Variants in NCAM2 observed in about 807,000 individuals in gnomAD.
NCAM2 encodes N-CAM-2.
A neutral mutation model predicts 98.1 loss-of-function variants in NCAM2; 30 were observed. The observed-to-expected ratio is 0.31, with a 90% CI of 0.23 to 0.41. NCAM2 has a LOEUF of 0.41. Ranked by LOEUF, NCAM2 falls within the 10% of genes least tolerant of loss-of-function variation. The pLI is 1.00. For synonymous variants in NCAM2, 368 were observed against 342.4 expected, an observed-to-expected ratio of 1.07 and a Z score of -0.83; for missense variants, 867 against 1,005.8, an observed-to-expected ratio of 0.86 and a Z score of 1.87.
intron 15 of NCAM2, among the ~76,000 whole-genome samples, chr21:21,485,962 T>G (rs1986314449): frequency 6.6e-6 from 1 of 152,116 alleles, no homozygotes; most frequent in Non-Finnish European, 1.5e-5. Context: ...TCTTGTAATC[T>G]AGTAATAGAC....
intron 1 of NCAM2, among the ~76,000 whole-genome samples, chr21:21,014,835 T>A (rs188852311): frequency 8.5e-5 from 13 of 152,334 alleles, no homozygotes; most frequent in African/African-American, 9.6e-5. Context: ...TTCACCATTC[T>A]AGATGCCATT....
rs1270802991 is a variant in NCAM2 at position 21,009,771 on chromosome 21, G to A, written c.55+11153G>A. On this transcript the variant is annotated intron_variant, in intron 1 of 17. Coordinates refer to ENST00000400546, the MANE Select transcript of NCAM2 (RefSeq NM_004540.5). Reference sequence around the variant, plus strand: ...CTGAACTGTATGTATGGTAAGAGAAGTGAGAAAATACTTGTTTTATCTTAG... The same window carrying A: ...CTGAACTGTATGTATGGTAAGAGAAATGAGAAAATACTTGTTTTATCTTAG... Among the ~76,000 whole-genome samples the A allele has an allele frequency of 3.3e-5, 5 of 151,916 alleles. No homozygotes were observed. In the East Asian group the frequency reaches 9.6e-4, roughly 29 times the overall value.
chr21:21,054,275 G>A (rs185632745), intron 1 of NCAM2, among the ~76,000 whole-genome samples: 1 of 151,954 alleles, frequency 6.6e-6, no homozygotes, highest in African/African-American at 2.4e-5. Flanking sequence ...GTGAATATTG[G>A]TTGTCACCAC....
At chr21:21,418,612 C>T (rs954368539) in intron 11 of NCAM2, 43 bp downstream of exon 11, 5 of 1,360,678 alleles carry the variant, frequency 3.7e-6, no homozygotes, top group Non-Finnish European at 5.3e-6. Context: ...CACAATATTT[C>T]TGAGAGCAAA....
chr21:21,243,222 G>A (rs2071137353), intron 1 of NCAM2, among the ~76,000 whole-genome samples: 1 of 152,092 alleles, frequency 6.6e-6, no homozygotes, highest in Non-Finnish European at 1.5e-5. Context: ...CAGAGGTTCA[G>A]TATTTCTATT....
intron 12 of NCAM2, 137 bp downstream of exon 12, chr21:21,432,418 C>T: frequency 2.7e-6 from 2 of 745,856 alleles, no homozygotes; most frequent in South Asian, 4.0e-5. Flanking sequence ...TTCTGTGCCC[C>T]ATTCTTCTTG....
chr21:21,081,076 C>T (rs1157837795), intron 1 of NCAM2, among the ~76,000 whole-genome samples: 1 of 152,048 alleles, frequency 6.6e-6, no homozygotes, highest in African/African-American at 2.4e-5. Flanking sequence ...CTGGTTCTTC[C>T]ATTGGGGTGG....
intron 1 of NCAM2, among the ~76,000 whole-genome samples, chr21:21,156,489 A>G (rs112250995): frequency 3.1e-4 from 47 of 152,114 alleles, no homozygotes; most frequent in Non-Finnish European, 5.4e-4. Context: ...TTGCTTGATA[A>G]TCCTATGAAA....
At chr21:21,063,745 A>G (rs2146337326) in intron 1 of NCAM2, among the ~76,000 whole-genome samples, 1 of 152,270 alleles carries the variant, frequency 6.6e-6, no homozygotes. Flanking sequence ...TTTCTTTGGT[A>G]TTTATTACTG....
intron 1 of NCAM2, among the ~76,000 whole-genome samples, chr21:21,211,601 A>G (rs2069661889): frequency 6.6e-6 from 1 of 152,310 alleles, no homozygotes; most frequent in Middle Eastern, 3.4e-3. Context: ...CAGGAAAAAC[A>G]AAACAAACAA....
intron 1 of NCAM2, among the ~76,000 whole-genome samples, chr21:21,063,210 CTTTTTTT>C (rs11325446): frequency 7.6e-5 from 5 of 66,052 alleles, no homozygotes; most frequent in Admixed American, 2.7e-4. Context: ...TCTTTACATT[CTTTTTTT>C]TTTTTTTTTT....
intron 5 of NCAM2, among the ~76,000 whole-genome samples, chr21:21,310,430 G>A (rs1007001270): frequency 6.6e-5 from 10 of 152,116 alleles, no homozygotes; most frequent in African/African-American, 2.2e-4. Flanking sequence ...GGGTAGATCA[G>A]AGCAATGATT....
chr21:21,424,319 G>A (rs536577760), intron 11 of NCAM2, among the ~76,000 whole-genome samples: 3 of 152,104 alleles, frequency 2.0e-5, no homozygotes, highest in Non-Finnish European at 4.4e-5. Context: ...TGAATTTCTA[G>A]TAGGTACCAC....
intron 12 of NCAM2, among the ~76,000 whole-genome samples, chr21:21,455,176 C>G (rs540924340): frequency 6.9e-6 from 1 of 145,352 alleles, no homozygotes; most frequent in East Asian, 2.0e-4. Flanking sequence ...ACATAATCTT[C>G]CACTCAGAGT....
At chr21:21,064,726 C>G (rs1309739350) in intron 1 of NCAM2, among the ~76,000 whole-genome samples, 1 of 152,180 alleles carries the variant, frequency 6.6e-6, no homozygotes. Flanking sequence ...AAACATTAAT[C>G]TCAAGGCCTC....
At chr21:21,025,231 G>C (rs1213015376) in intron 1 of NCAM2, among the ~76,000 whole-genome samples, 2 of 151,926 alleles carry the variant, frequency 1.3e-5, no homozygotes, top group Non-Finnish European at 2.9e-5. Context: ...GATTACAGGT[G>C]CCTGCCACCA....
chr21:21,022,763 T>A (rs929854563), intron 1 of NCAM2, among the ~76,000 whole-genome samples: 3 of 152,138 alleles, frequency 2.0e-5, no homozygotes, highest in African/African-American at 7.2e-5. Context: ...GAAATGAATG[T>A]TAAAACTTTA....
intron 1 of NCAM2, among the ~76,000 whole-genome samples, chr21:21,225,196 A>T (rs2070331525): frequency 6.6e-6 from 1 of 152,088 alleles, no homozygotes; most frequent in Non-Finnish European, 1.5e-5. Flanking sequence ...TTAAAGTGGG[A>T]GCTGAACAAT....
intron 1 of NCAM2, among the ~76,000 whole-genome samples, chr21:21,074,343 G>GCATTTATTACATTTATTA (rs912326376): frequency 4.6e-5 from 7 of 151,212 alleles, no homozygotes; most frequent in African/African-American, 1.7e-4. Context: ...TTATTTATTA[G>GCATTTATTACATTTATTA]CATTTATTAC....
Sources: allele counts gnomAD v4.1 joint callset (sites outside exome capture counted in the v4.1 genomes callset), GRCh38; gene constraint gnomAD v4.1.1; transcripts MANE v1.5; gene names NCBI Gene and HGNC (gene_info 2026-07-23, HGNC 2026-07-21).